Variants in ADCY3 observed in about 807,000 individuals in gnomAD.
ADCY3 encodes adenylate cyclase 3, also known as adenylate cyclase type 3.
Under a neutral mutation model 119.4 loss-of-function variants are expected in ADCY3, and 70 were observed. That is an observed-to-expected ratio of 0.59 (90% CI 0.48 to 0.72). The LOEUF is 0.72. Ranked by LOEUF, ADCY3 falls within the 30% of genes least tolerant of loss-of-function variation. ADCY3 has a pLI of 0.00. For missense variants in ADCY3, 1,238 were observed against 1,541.6 expected (o/e 0.80, Z 3.30); for synonymous variants, 672 against 621.4 (o/e 1.08, Z -1.21).
intron 2 of ADCY3, among the ~76,000 whole-genome samples, chr2:24,879,947 T>C (rs1482593812): frequency 6.6e-6 from 1 of 152,218 alleles, no homozygotes; most frequent in African/African-American, 2.4e-5. Flanking sequence ...GACTCTCCCA[T>C]GCTGCCTTGG....
intron 2 of ADCY3, among the ~76,000 whole-genome samples, chr2:24,914,063 C>G (rs545559266): frequency 2.4e-4 from 37 of 152,210 alleles, no homozygotes; most frequent in African/African-American, 7.0e-4. Flanking sequence ...CCTTCCTCCT[C>G]ACCCAGCCCA....
In ADCY3 at chr2:24,872,098, C is replaced by T. The variant is rs1675088593; in HGVS notation, c.825+472G>A. Among the ~76,000 whole-genome samples the T allele has an allele frequency of 6.6e-6, 1 of 152,186 alleles. No individual in the cohort carries two copies. The highest frequency in any genetic ancestry group is 2.1e-4 in the South Asian group (1 of 4,828). ...CTGAGGCCGCAGGATGGGTCAAGGC[C>T]CCACCCACGGCATGAGCAGGTGCAC... On this transcript the variant is annotated intron_variant, in intron 3 of 21. Transcript: ENST00000679454. The surrounding 1 kb of genome is among the most constrained non-coding windows in gnomAD (Gnocchi z 4.4).
At chr2:24,855,853 G>T (rs1483529360) in intron 3 of ADCY3, among the ~76,000 whole-genome samples, 1 of 152,208 alleles carries the variant, frequency 6.6e-6, no homozygotes, top group East Asian at 1.9e-4. Flanking sequence ...CAATCTGTCG[G>T]CATGGCCTCC....
chr2:24,883,615 C>T (rs1676674562), intron 2 of ADCY3, among the ~76,000 whole-genome samples: 1 of 152,252 alleles, frequency 6.6e-6, no homozygotes, highest in African/African-American at 2.4e-5. Flanking sequence ...TGCTTTTGCT[C>T]ATGCTTTCTT....
intron 2 of ADCY3, among the ~76,000 whole-genome samples, chr2:24,894,298 C>T (rs538363922): frequency 2.6e-5 from 4 of 152,104 alleles, no homozygotes; most frequent in Admixed American, 1.3e-4. Flanking sequence ...GCCTGGGCAA[C>T]GTGGTGAGAC....
At chr2:24,901,149 AG>A (rs1333067120) in intron 2 of ADCY3, among the ~76,000 whole-genome samples, 45 of 152,356 alleles carry the variant, frequency 3.0e-4, no homozygotes, top group African/African-American at 1.0e-3. Flanking sequence ...GCAGGGGCAC[AG>A]GATAGCGCTG....
At chr2:24,908,308 A>G (rs1283062796) in intron 2 of ADCY3, among the ~76,000 whole-genome samples, 1 of 152,166 alleles carries the variant, frequency 6.6e-6, no homozygotes, top group African/African-American at 2.4e-5. Flanking sequence ...GGGCAACAAG[A>G]GCGAAACTCC....
At chr2:24,854,037 G>A (rs1431262885) in intron 3 of ADCY3, among the ~76,000 whole-genome samples, 1 of 152,154 alleles carries the variant, frequency 6.6e-6, no homozygotes, top group Non-Finnish European at 1.5e-5. Context: ...ATTACTTGAG[G>A]ACACAGAGGC....
chr2:24,896,205 G>A (rs567552444), intron 2 of ADCY3, among the ~76,000 whole-genome samples: 24 of 152,178 alleles, frequency 1.6e-4, no homozygotes, highest in African/African-American at 5.3e-4. Context: ...TCAACATGGC[G>A]AAACCCCATC....
chr2:24,829,661 A>G (rs1054303789), intron 13 of ADCY3, among the ~76,000 whole-genome samples: 6 of 151,524 alleles, frequency 4.0e-5, no homozygotes, highest in Non-Finnish European at 5.9e-5. Context: ...TGACCTCGTG[A>G]TCCGCCCGCC....
chr2:24,850,086 T>C (rs1314788302), intron 3 of ADCY3, among the ~76,000 whole-genome samples: 1 of 151,884 alleles, frequency 6.6e-6, no homozygotes, highest in Non-Finnish European at 1.5e-5. Flanking sequence ...CTGTGGAACA[T>C]TCCTCCCTCC....
chr2:24,861,250 CAAA>C (rs67641689), intron 3 of ADCY3, among the ~76,000 whole-genome samples: 4,991 of 113,416 alleles, frequency 0.044, 231 homozygotes, highest in African/African-American at 0.14. Flanking sequence ...GACTCCATCT[CAAA>C]AAAAAAAAAA....
chr2:24,908,320 T>C (rs1414656213), intron 2 of ADCY3, among the ~76,000 whole-genome samples: 2 of 151,032 alleles, frequency 1.3e-5, no homozygotes, highest in African/African-American at 2.4e-5. Context: ...CGAAACTCCG[T>C]CTCAAAAAAA....
At chr2:24,820,667 TC>T (rs1667499254) in intron 21 of ADCY3, 56 bp downstream of exon 21, 8 of 1,607,440 alleles carry the variant, frequency 5.0e-6, no homozygotes, top group African/African-American at 4.0e-5. Context: ...AAAGCACTGT[TC>T]CGGTTTTGTT....
chr2:24,919,166 T>C lies in ADCY3; in HGVS notation c.-179A>G, dbSNP rs1311151906. ...GCAGAGCGGGTTTCCAGAGCACAGG[T>C]AGCACTGATCAGCTAGAACTGAAAA... On this transcript the variant is annotated 5_prime_UTR_variant, in exon 2 of 22. Transcript: ENST00000679454. This position sits in a 1 kb window ranked among gnomAD's most constrained non-coding sequence, Gnocchi z 5.5. 8.0e-6 allele frequency: 5 copies of C among 623,570 alleles called. No individual in the cohort carries two copies. The highest frequency in any genetic ancestry group is 1.1e-5 in the Non-Finnish European group (4 of 359,368). 38.6% of individuals were successfully genotyped at this position (623,570 alleles called of 1,614,324 possible).
intron 3 of ADCY3, among the ~76,000 whole-genome samples, chr2:24,858,551 C>G (rs1673277911): frequency 6.6e-6 from 1 of 152,188 alleles, no homozygotes; most frequent in Non-Finnish European, 1.5e-5. Flanking sequence ...CCATCCAGGG[C>G]CTGGCACAAA....
At chr2:24,867,834 C>A (rs1674488103) in intron 3 of ADCY3, among the ~76,000 whole-genome samples, 1 of 152,022 alleles carries the variant, frequency 6.6e-6, no homozygotes, top group African/African-American at 2.4e-5. Context: ...ACAATAAGGA[C>A]TTGTGGGGTT....
intron 2 of ADCY3, among the ~76,000 whole-genome samples, chr2:24,913,632 G>A (rs1425654959): frequency 1.3e-5 from 2 of 152,156 alleles, no homozygotes; most frequent in African/African-American, 4.8e-5. Flanking sequence ...GGGATGAGGT[G>A]CATGCAACAG....
At position 24,850,678 on chromosome 2, in the gene ADCY3, A is replaced by T. The variant is rs1672186982; in HGVS notation, c.826-8294T>A. Among the ~76,000 whole-genome samples the T allele has an allele frequency of 2.0e-5, 3 of 152,360 alleles. No homozygotes were observed. The South Asian group carries it at 6.2e-4, about 32-fold the overall frequency. On this transcript the variant is annotated intron_variant, in intron 3 of 21. Transcript: ENST00000679454. ...CCCCAAATCCAACAGAAGTAAAAAG[A>T]TATACGTAGAAGGTGATCTGCATTG...
Sources: allele counts gnomAD v4.1 joint callset (sites outside exome capture counted in the v4.1 genomes callset), GRCh38; gene constraint gnomAD v4.1.1; non-coding constraint Gnocchi (gnomAD v3.1); transcripts MANE v1.5; gene names NCBI Gene and HGNC (gene_info 2026-07-23, HGNC 2026-07-21).